Variants in SIAH3 observed in about 807,000 individuals in gnomAD.
SIAH3 encodes siah E3 ubiquitin protein ligase family member 3, also known as seven in absentia homolog 3.
In SIAH3, 9 loss-of-function variants were observed where a neutral mutation model predicts 12.6. The ratio of observed to expected loss-of-function variants is 0.72; its 90% CI spans 0.43 to 1.25. The LOEUF (loss-of-function observed/expected upper bound fraction) is 1.25. SIAH3 is among the 50% of genes most tolerant of loss of function. The pLI, the probability that SIAH3 is intolerant of heterozygous loss-of-function variation, is 0.00. For synonymous variants in SIAH3, 154 were observed against 151.1 expected (o/e 1.02, Z -0.14); for missense variants, 390 against 365.4 (o/e 1.07, Z -0.55).
chr13:45,807,889 A>G (rs1950603372), intron 1 of SIAH3, among the ~76,000 whole-genome samples: 1 of 152,244 alleles, frequency 6.6e-6, no homozygotes, highest in South Asian at 2.1e-4. Flanking sequence ...AAATTAAACA[A>G]ACAGAATTAA....
chr13:45,839,809 G>A (rs1165519006), intron 1 of SIAH3, among the ~76,000 whole-genome samples: 1 of 152,132 alleles, frequency 6.6e-6, no homozygotes, highest in Non-Finnish European at 1.5e-5. Flanking sequence ...TCCAGCCTGG[G>A]CAACAGAGTG....
intron 1 of SIAH3, among the ~76,000 whole-genome samples, chr13:45,803,594 C>T (rs994343466): frequency 6.6e-6 from 1 of 152,150 alleles, no homozygotes; most frequent in Non-Finnish European, 1.5e-5. Flanking sequence ...AAGAAAAGAA[C>T]ATTCAGGTAG....
intron 1 of SIAH3, among the ~76,000 whole-genome samples, chr13:45,834,589 G>A (rs1459732606): frequency 3.3e-5 from 5 of 152,160 alleles, no homozygotes; most frequent in Non-Finnish European, 7.3e-5. Flanking sequence ...GCAGCATCCC[G>A]GTCCTCTTGG....
Position 45,779,097 on chromosome 13 carries a change from G to A in SIAH3, c.*4286C>T, listed in dbSNP as rs908301654. On this transcript the variant is annotated 3_prime_UTR_variant, in exon 2 of 2. Transcript: ENST00000400405. ...GCTAATTTCAAGCAATCACCATGAC[G>A]TCACTAAATGTGGAGCTGGAAGATG... The A allele has an allele frequency of 1.3e-5, 2 of 152,258 alleles. No individual in the cohort carries two copies. The highest frequency in any genetic ancestry group is 4.8e-5 in the African/African-American group (2 of 41,558). 9.4% of individuals were successfully genotyped at this position (152,258 alleles called of 1,614,324 possible). A position where few individuals can be genotyped will look rare whatever the true frequency, so the allele number is the denominator to read the frequency against.
chr13:45,797,697 C>G (rs1223942254), intron 1 of SIAH3, among the ~76,000 whole-genome samples: 1 of 152,172 alleles, frequency 6.6e-6, no homozygotes, highest in East Asian at 1.9e-4. Context: ...CTAACCAGCT[C>G]TCAAGGATGT....
chr13:45,790,474 A>C (rs932610263), intron 1 of SIAH3, among the ~76,000 whole-genome samples: 1 of 152,198 alleles, frequency 6.6e-6, no homozygotes, highest in African/African-American at 2.4e-5. Context: ...ACACTGAAAA[A>C]AAAAATACAT....
chr13:45,818,373 T>C (rs1950642684), intron 1 of SIAH3, among the ~76,000 whole-genome samples: 1 of 152,244 alleles, frequency 6.6e-6, no homozygotes, highest in Non-Finnish European at 1.5e-5. Flanking sequence ...ATGCATCTAG[T>C]TAGGTTAAAT....
intron 1 of SIAH3, among the ~76,000 whole-genome samples, chr13:45,815,152 T>C (rs1294282645): frequency 6.6e-6 from 1 of 152,046 alleles, no homozygotes; most frequent in Admixed American, 6.5e-5. Flanking sequence ...CATTTCATCT[T>C]TCTGGCAGTG....
At chr13:45,821,759 A>T (rs1270801756) in intron 1 of SIAH3, among the ~76,000 whole-genome samples, 1 of 152,174 alleles carries the variant, frequency 6.6e-6, no homozygotes, top group Non-Finnish European at 1.5e-5. Context: ...TTGGGTTGAA[A>T]ATCAATGAGA....
intron 1 of SIAH3, among the ~76,000 whole-genome samples, chr13:45,824,661 C>G (rs137883108): frequency 6.6e-6 from 1 of 150,756 alleles, no homozygotes; most frequent in African/African-American, 2.5e-5. Context: ...GTCTTTGGAC[C>G]TCCAGACACA....
rs796951620 is a variant in SIAH3 at position 45,828,300 on chromosome 13, C to T, written c.135+23195G>A. On this transcript the variant is annotated intron_variant, in intron 1 of 1. Coordinates refer to ENST00000400405, the MANE Select transcript of SIAH3 (RefSeq NM_198849.3). ...GTGGCTGAAGTTCATGGTCCTGATG[C>T]CTCATTTAGAGATGAACTAGCTAAA... is the stretch of plus-strand genomic sequence containing the variant. 2.5e-4 allele frequency among the ~76,000 whole-genome samples: 38 copies of T among 152,294 alleles called. 2 individuals are homozygous for T. Among genetic ancestry groups the T allele is most frequent in the African/African-American group, 9.1e-4 (38 of 41,556 alleles).
At chr13:45,829,439 C>CA (rs1428590700) in intron 1 of SIAH3, among the ~76,000 whole-genome samples, 4 of 151,908 alleles carry the variant, frequency 2.6e-5, no homozygotes, top group Non-Finnish European at 4.4e-5. Context: ...CTTGTCTCTG[C>CA]AAAAAATAAT....
In SIAH3 at chr13:45,785,769, C is replaced by T. The variant is rs529511983; in HGVS notation, c.136-1712G>A. On this transcript the variant is annotated intron_variant, in intron 1 of 1. Coordinates refer to ENST00000400405, the MANE Select transcript of SIAH3 (RefSeq NM_198849.3). ...GGCTCTTCCAGTAGCGCCTGTCCTG[C>T]CCCTGGATGGTAGCTGCTGGGCAGT... is the stretch of plus-strand genomic sequence containing the variant. 1.0e-3 allele frequency among the ~76,000 whole-genome samples: 158 copies of T among 152,288 alleles called. 1 individual carries two copies. The highest frequency in any genetic ancestry group is 3.5e-3 in the African/African-American group (144 of 41,560).
chr13:45,811,051 G>A (rs780553340), intron 1 of SIAH3, among the ~76,000 whole-genome samples: 1 of 152,172 alleles, frequency 6.6e-6, no homozygotes, highest in Non-Finnish European at 1.5e-5. Flanking sequence ...GCTGAGTCCT[G>A]GTTCAGCTGT....
At chr13:45,836,850 C>T (rs1950719659) in intron 1 of SIAH3, among the ~76,000 whole-genome samples, 1 of 152,220 alleles carries the variant, frequency 6.6e-6, no homozygotes, top group South Asian at 2.1e-4. Context: ...CTGGACGTTC[C>T]TGGATGTCCC....
intron 1 of SIAH3, among the ~76,000 whole-genome samples, chr13:45,839,608 G>A (rs1406433559): frequency 6.6e-6 from 1 of 152,146 alleles, no homozygotes; most frequent in East Asian, 1.9e-4. Context: ...CAAGGTGGGT[G>A]GATCACAAGG....
intron 1 of SIAH3, among the ~76,000 whole-genome samples, chr13:45,825,372 A>G (rs1950670326): frequency 6.6e-6 from 1 of 152,108 alleles, no homozygotes; most frequent in African/African-American, 2.4e-5. Flanking sequence ...CATTATCTCG[A>G]CTCTGGGAGC....
At chr13:45,827,770 G>T (rs1377718281) in intron 1 of SIAH3, among the ~76,000 whole-genome samples, 7 of 152,184 alleles carry the variant, frequency 4.6e-5, no homozygotes, top group Non-Finnish European at 1.0e-4. Flanking sequence ...TGATACCAAA[G>T]CAACATTTCC....
intron 1 of SIAH3, among the ~76,000 whole-genome samples, chr13:45,816,566 A>G (rs1296592972): frequency 6.6e-6 from 1 of 152,232 alleles, no homozygotes; most frequent in East Asian, 1.9e-4. Context: ...TAGCGCTCCC[A>G]ACTTCAGCCC....
Sources: allele counts gnomAD v4.1 joint callset (sites outside exome capture counted in the v4.1 genomes callset), GRCh38; gene constraint gnomAD v4.1.1; transcripts MANE v1.5; gene names NCBI Gene and HGNC (gene_info 2026-07-23, HGNC 2026-07-21).